BANP: variants seen among roughly 807,000 people sequenced by gnomAD.
The protein encoded by BANP is protein BANP.
Under a neutral mutation model 68.1 loss-of-function variants are expected in BANP, and 11 were observed. That is an observed-to-expected ratio of 0.16 (90% CI 0.10 to 0.27). The LOEUF is 0.27. Ranked by LOEUF, BANP falls within the 10% of genes least tolerant of loss-of-function variation. The pLI, the probability that BANP is intolerant of heterozygous loss-of-function variation, is 1.00. For synonymous variants in BANP, 329 were observed against 303.2 expected, an observed-to-expected ratio of 1.09 and a Z score of -0.88; for missense variants, 504 against 722.7, an observed-to-expected ratio of 0.70 and a Z score of 3.47.
In BANP at chr16:88,072,323, G is replaced by A. The variant is rs1466352221; in HGVS notation, c.1521+111G>A. Reference sequence around the variant, plus strand: ...TCTCGTGACTCTTCCTGTGCAGAGGGCACGTGATTGGACACAGATGCCCAT... The same window carrying A: ...TCTCGTGACTCTTCCTGTGCAGAGGACACGTGATTGGACACAGATGCCCAT... On this transcript the variant is annotated intron_variant, in intron 13 of 13. Coordinates refer to ENST00000682872, the MANE Select transcript of BANP (RefSeq NM_001386991.1). The A allele has an allele frequency of 3.1e-6, 4 of 1,275,278 alleles. No individual in the cohort carries two copies. In the East Asian group the frequency reaches 7.4e-5, roughly 24 times the overall value. The allele number at this position is 1,275,278 out of a possible 1,614,324, so 79.0% of individuals were successfully genotyped here. A position where few individuals can be genotyped will look rare whatever the true frequency, so the allele number is the denominator to read the frequency against.
At chr16:87,969,230 TTTG>T (rs72032414) in intron 1 of BANP, among the ~76,000 whole-genome samples, 118,885 of 150,502 alleles carry the variant, frequency 0.79, 47,117 homozygotes, top group Middle Eastern at 0.9. Context: ...CTTACGTTGT[TTTG>T]TTGTTGTTGT....
At chr16:88,059,403 C>T (rs767737719) in intron 11 of BANP, among the ~76,000 whole-genome samples, 100 of 152,232 alleles carry the variant, frequency 6.6e-4, no homozygotes, top group Non-Finnish European at 1.1e-3. Flanking sequence ...TTTCATAAGG[C>T]CCCTGTCACT....
chr16:88,015,233 G>GC (rs373813864), intron 6 of BANP, among the ~76,000 whole-genome samples: 36 of 140,188 alleles, frequency 2.6e-4, no homozygotes, highest in African/African-American at 9.7e-4. Context: ...CTCTGCCTGT[G>GC]CCCCTTCAGC....
chr16:87,976,168 A>G (rs1232285913), intron 2 of BANP, among the ~76,000 whole-genome samples: 1 of 152,252 alleles, frequency 6.6e-6, no homozygotes, highest in Non-Finnish European at 1.5e-5. Flanking sequence ...TTGCATATAT[A>G]TCTTGGCAAA....
intron 1 of BANP, among the ~76,000 whole-genome samples, chr16:87,967,376 G>A (rs1019018451): frequency 6.6e-6 from 1 of 150,724 alleles, no homozygotes; most frequent in Non-Finnish European, 1.5e-5. Flanking sequence ...CCGAAGTGCT[G>A]GGATTACAAA....
chr16:88,074,678 C>A lies in BANP; in HGVS notation c.1522-1912C>A, dbSNP rs536627591. On this transcript the variant is annotated intron_variant, in intron 13 of 13. Transcript: ENST00000682872. ...CTGTCTGGGGGAAGGGGCTTTGCAT[C>A]CCAGGCGGTGGCCCCCCTACCCCAA... is the stretch of plus-strand genomic sequence containing the variant. 2.0e-5 allele frequency among the ~76,000 whole-genome samples: 3 copies of A among 151,604 alleles called. No homozygotes were observed. In the South Asian group the frequency reaches 6.3e-4, roughly 32 times the overall value.
chr16:88,051,863 C>T (rs1029098885), intron 11 of BANP, among the ~76,000 whole-genome samples: 5 of 152,148 alleles, frequency 3.3e-5, no homozygotes, highest in Admixed American at 6.5e-5. Context: ...TTTAAAAAAT[C>T]CAGATTTATG....
chr16:87,974,762 G>A (rs925335814), intron 1 of BANP, among the ~76,000 whole-genome samples: 1 of 152,182 alleles, frequency 6.6e-6, no homozygotes, highest in African/African-American at 2.4e-5. Flanking sequence ...CCAAGCCAGT[G>A]TTGGGAAGGT....
intron 11 of BANP, among the ~76,000 whole-genome samples, chr16:88,042,107 A>G (rs1302067604): frequency 6.6e-6 from 1 of 152,266 alleles, no homozygotes; most frequent in Non-Finnish European, 1.5e-5. Context: ...CTGCCTGTGC[A>G]AGGCCGGAGG....
rs777185086 is a variant in BANP at position 88,006,317 on chromosome 16, T to C, written c.655+52T>C. 3.3e-6 allele frequency: 5 copies of C among 1,522,424 alleles called. No individual in the cohort carries two copies. The South Asian group carries it at 6.3e-5, about 19-fold the overall frequency. The allele number at this position is 1,522,424 out of a possible 1,614,324, so 94.3% of individuals were successfully genotyped here. A position where few individuals can be genotyped will look rare whatever the true frequency, so the allele number is the denominator to read the frequency against. On this transcript the variant is annotated intron_variant, in intron 6 of 13. Coordinates refer to ENST00000682872, the MANE Select transcript of BANP (RefSeq NM_001386991.1). The stretch of plus-strand genomic sequence containing the variant: ...CAGAGCGCCAGTACAATTGTTTGTT[T>C]GTTTTGCCTTTTAGAAATTTTGTTG...
At position 88,057,645 on chromosome 16, in the gene BANP, G is replaced by A. The variant is rs1379977212; in HGVS notation, c.1312-7622G>A. ...GAATGTTCTTCACACCCTTCATGTT[G>A]GCAATGTTTGGGTCCTGGTTCTTAC... On this transcript the variant is annotated intron_variant, in intron 11 of 13. Transcript: ENST00000682872. The surrounding 1 kb of genome is among the most constrained non-coding windows in gnomAD (Gnocchi z 4.6). 6.7e-6 allele frequency among the ~76,000 whole-genome samples: 1 copy of A among 150,066 alleles called. No homozygotes were observed.
At chr16:88,043,147 C>T (rs1399766422) in intron 11 of BANP, among the ~76,000 whole-genome samples, 32 of 152,270 alleles carry the variant, frequency 2.1e-4, no homozygotes, top group Admixed American at 4.6e-4. Context: ...TCTTGCCCTC[C>T]GCCGCATCCT....
At chr16:88,046,860 A>T (rs969515210) in intron 11 of BANP, among the ~76,000 whole-genome samples, 3 of 151,908 alleles carry the variant, frequency 2.0e-5, no homozygotes, top group Non-Finnish European at 4.4e-5. Context: ...AAGTCAGGAG[A>T]TCGAGACCGT....
intron 11 of BANP, among the ~76,000 whole-genome samples, chr16:88,060,287 G>A (rs543446463): frequency 1.4e-4 from 21 of 152,366 alleles, no homozygotes; most frequent in African/African-American, 4.3e-4. Flanking sequence ...GTCTCTCTGG[G>A]TCTCCCCAGC....
Position 88,020,172 on chromosome 16 carries a change from A to G in BANP, c.895+1505A>G, listed in dbSNP as rs553664515. 5.3e-5 allele frequency among the ~76,000 whole-genome samples: 8 copies of G among 152,320 alleles called. No individual in the cohort carries two copies. In the South Asian group the frequency reaches 1.4e-3, roughly 28 times the overall value. ...GGGGTCACCCTCAGCCTTCTTCTGA[A>G]GGGCCACACGGCAGATATTTCAGGC... is the stretch of plus-strand genomic sequence containing the variant. On this transcript the variant is annotated intron_variant, in intron 7 of 13. Transcript: ENST00000682872.
intron 11 of BANP, among the ~76,000 whole-genome samples, chr16:88,052,692 G>A (rs1221331943): frequency 1.4e-5 from 2 of 147,734 alleles, no homozygotes; most frequent in African/African-American, 2.5e-5. Context: ...CCACCACCTC[G>A]ACCACTATCA....
chr16:87,988,189 TGAAAAG>T (rs1196800021), intron 4 of BANP, among the ~76,000 whole-genome samples: 1 of 152,164 alleles, frequency 6.6e-6, no homozygotes, highest in African/African-American at 2.4e-5. Context: ...AGTGGAACAT[TGAAAAG>T]GAAAAGTCTC....
chr16:87,999,314 C>T lies in BANP; in HGVS notation c.363-4981C>T, dbSNP rs537358217. 1.6e-3 allele frequency among the ~76,000 whole-genome samples: 235 copies of T among 145,470 alleles called. 1 individual carries two copies. The highest frequency in any genetic ancestry group is 2.4e-3 in the Non-Finnish European group (160 of 65,862). On this transcript the variant is annotated intron_variant, in intron 4 of 13. Transcript: ENST00000682872. ...TGCACGGCTGTACTTACCAGGCCTT[C>T]CAGACACGTCTCCATGCACGCACAT...
At chr16:87,971,685 T>G (rs900071321) in intron 1 of BANP, among the ~76,000 whole-genome samples, 1 of 152,116 alleles carries the variant, frequency 6.6e-6, no homozygotes, top group Non-Finnish European at 1.5e-5. Flanking sequence ...TTTGTTTTTT[T>G]CCCCCTAGGT....
Sources: gnomAD v4.1 joint callset for allele counts (sites outside exome capture counted in the v4.1 genomes callset) on GRCh38, gnomAD v4.1.1 for gene constraint, Gnocchi (gnomAD v3.1) non-coding constraint, MANE v1.5 for transcripts, NCBI Gene and HGNC (gene_info 2026-07-23, HGNC 2026-07-21) for gene names.